ASXL3: variants seen among roughly 807,000 people sequenced by gnomAD.
ASXL3 encodes ASXL transcriptional regulator 3, also known as putative Polycomb group protein ASXL3.
A neutral mutation model predicts 170.6 loss-of-function variants in ASXL3; 34 were observed. That is an observed-to-expected ratio of 0.20 (90% confidence interval 0.15 to 0.27). The LOEUF is 0.27. Among genes scored for constraint, ASXL3 ranks in the 10% least tolerant of loss-of-function variants. The probability of loss-of-function intolerance (pLI) is 1.00; values close to 1 mark genes in which losing one functional copy is unlikely to be tolerated. For missense variants in ASXL3, 2,592 were observed against 2,695.3 expected (o/e 0.96, Z 0.85); for synonymous variants, 1,002 against 989.1 (o/e 1.01, Z -0.24).
intron 2 of ASXL3, among the ~76,000 whole-genome samples, chr18:33,640,799 A>C (rs956891287): frequency 6.6e-6 from 1 of 152,006 alleles, no homozygotes; most frequent in Admixed American, 6.6e-5. Flanking sequence ...ATTTATATTA[A>C]TAGCACTAAG....
At chr18:33,621,237 G>C (rs2065508055) in intron 2 of ASXL3, among the ~76,000 whole-genome samples, 1 of 152,132 alleles carries the variant, frequency 6.6e-6, no homozygotes, top group Non-Finnish European at 1.5e-5. Flanking sequence ...ATGAATATTT[G>C]ACTCATCTTT....
intron 4 of ASXL3, among the ~76,000 whole-genome samples, chr18:33,650,353 A>G (rs1001746695): frequency 6.6e-6 from 1 of 152,088 alleles, no homozygotes; most frequent in African/African-American, 2.4e-5. Context: ...AGTGAGGGGA[A>G]TATAGGTCAC....
At chr18:33,712,960 CCTT>C (rs1161580806) in intron 8 of ASXL3, among the ~76,000 whole-genome samples, 1 of 152,122 alleles carries the variant, frequency 6.6e-6, no homozygotes, top group Non-Finnish European at 1.5e-5. Context: ...CTATTGCACT[CCTT>C]CTCAGTGGTT....
chr18:33,674,756 C>G (rs970819084), intron 7 of ASXL3, among the ~76,000 whole-genome samples: 1 of 151,858 alleles, frequency 6.6e-6, no homozygotes, highest in Admixed American at 6.6e-5. Context: ...GTAGCTGGGA[C>G]TACAGGCGCC....
At position 33,748,344 on chromosome 18, in the gene ASXL3, A is replaced by G. The variant is rs1043846239; in HGVS notation, c.*1749A>G. On this transcript the variant is annotated 3_prime_UTR_variant, in exon 12 of 12. Transcript: ENST00000269197. ...CTCCGTATTTATTGTGATGTTGCCA[A>G]ATTTCTTTCTTTAGGTGATAGAGAC... 3 of 152,168 alleles carry G rather than the reference A, an allele frequency of 2.0e-5. No homozygotes were observed. The highest frequency in any genetic ancestry group is 7.2e-5 in the African/African-American group (3 of 41,440). 9.4% of individuals were successfully genotyped at this position (152,168 alleles called of 1,614,324 possible). A position where few individuals can be genotyped will look rare whatever the true frequency, so the allele number is the denominator to read the frequency against.
At position 33,750,297 on chromosome 18, in the gene ASXL3, A is replaced by G. The variant is rs1365316882; in HGVS notation, c.*3702A>G. Reference sequence around the variant, plus strand: ...ATGCTTTGTCACTGTAAAAAGAACAAAAAGCATTTTTACTATAATTTAAAG... The same window carrying G: ...ATGCTTTGTCACTGTAAAAAGAACAGAAAGCATTTTTACTATAATTTAAAG... On this transcript the variant is annotated 3_prime_UTR_variant, in exon 12 of 12. Transcript: ENST00000269197. The G allele has an allele frequency of 6.6e-6, 1 of 152,226 alleles. No individual in the cohort carries two copies. The highest frequency in any genetic ancestry group is 2.4e-5 in the African/African-American group (1 of 41,468). 9.4% of individuals were successfully genotyped at this position (152,226 alleles called of 1,614,324 possible).
At chr18:33,597,712 T>G (rs1018663473) in intron 1 of ASXL3, among the ~76,000 whole-genome samples, 5 of 151,786 alleles carry the variant, frequency 3.3e-5, no homozygotes, top group African/African-American at 1.2e-4. Flanking sequence ...TGAATCCCAG[T>G]TCTGCTTCTT....
chr18:33,623,725 T>C (rs1422705125), intron 2 of ASXL3, among the ~76,000 whole-genome samples: 2 of 152,198 alleles, frequency 1.3e-5, no homozygotes, highest in East Asian at 3.9e-4. Context: ...AAATATCTGA[T>C]ATTTATTTTT....
chr18:33,673,647 GC>G (rs2066382249), intron 7 of ASXL3, among the ~76,000 whole-genome samples: 1 of 152,108 alleles, frequency 6.6e-6, no homozygotes, highest in Non-Finnish European at 1.5e-5. Flanking sequence ...ATTGCAGTGG[GC>G]CACCATGCCT....
chr18:33,734,759 AT>A (rs1289904247), intron 10 of ASXL3, among the ~76,000 whole-genome samples: 2 of 152,260 alleles, frequency 1.3e-5, no homozygotes, highest in South Asian at 4.1e-4. Context: ...TAGATAAATA[AT>A]TTTAGTCATG....
Position 33,744,387 on chromosome 18 carries a change from C to T in ASXL3, c.4539C>T (p.Pro1513=), listed in dbSNP as rs775636026. 32 of 1,613,704 alleles carry T rather than the reference C, an allele frequency of 2.0e-5. No homozygotes were observed. Among genetic ancestry groups the T allele is most frequent in the Admixed American group, 3.3e-5 (2 of 59,988 alleles). ...TGAGGACAGAGGCATCCGTACAGCC[C>T]GTGGCGTGTCCTCAGGTGTCTGTGA... ...RPVRTEASVQ[P]VACPQVSVIS... Residue 1513 remains proline, a synonymous_variant, in exon 12 of 12, where the codon CCC becomes CCT. Transcript: ENST00000269197.
chr18:33,746,785 C>G lies in ASXL3; in HGVS notation c.*190C>G. ...GAGGATGCATCCCAACTGAATGGCT[C>G]ACTGGCATGTCTTTTATGTGTTCAG... is the stretch of plus-strand genomic sequence containing the variant. On this transcript the variant is annotated 3_prime_UTR_variant, in exon 12 of 12. Transcript: ENST00000269197. 1 of 892,742 alleles carries G rather than the reference C, an allele frequency of 1.1e-6. No homozygotes were observed. The highest frequency in any genetic ancestry group is 1.6e-6 in the Non-Finnish European group (1 of 629,402). The allele number at this position is 892,742 out of a possible 1,614,324, so 55.3% of individuals were successfully genotyped here.
intron 8 of ASXL3, among the ~76,000 whole-genome samples, chr18:33,705,084 A>G (rs548936544): frequency 7.9e-5 from 12 of 151,826 alleles, no homozygotes; most frequent in African/African-American, 2.4e-4. Flanking sequence ...GACATGTTTA[A>G]TAGCTTAGGT....
At position 33,578,279 on chromosome 18, in the gene ASXL3, C is replaced by T. The variant is rs1295176663; in HGVS notation, c.-353C>T. 1.3e-5 allele frequency: 2 copies of T among 148,682 alleles called. No homozygotes were observed. The highest frequency in any genetic ancestry group is 3.0e-5 in the Non-Finnish European group (2 of 66,818). 9.2% of individuals were successfully genotyped at this position (148,682 alleles called of 1,614,324 possible). On this transcript the variant is annotated 5_prime_UTR_variant, in exon 1 of 12. Coordinates refer to ENST00000269197, the MANE Select transcript of ASXL3 (RefSeq NM_030632.3). The stretch of plus-strand genomic sequence containing the variant: ...TCCCCGGAGCTGTCACCGCAGCGGC[C>T]GCGGCGGTGGCGCAGCGCGAGCCCC...
At chr18:33,636,950 G>A (rs556424308) in intron 2 of ASXL3, among the ~76,000 whole-genome samples, 70 of 152,176 alleles carry the variant, frequency 4.6e-4, no homozygotes, top group Non-Finnish European at 5.9e-5. Flanking sequence ...CAAATTTTCA[G>A]ATTTGGGCTA....
At position 33,745,575 on chromosome 18, in the gene ASXL3, C is replaced by A. The variant is rs928746859; in HGVS notation, c.5727C>A (p.Asn1909Lys). Residue 1909 changes from asparagine (N) to lysine (K), a missense_variant, in exon 12 of 12, where the codon AAC becomes AAA. Physicochemically the swap from Asn to Lys is moderately conservative, Grantham distance 94. This residue lies in a region of ASXL3 where 2,246 missense variants were observed against 2,219.6 expected (regional missense o/e 1.01). Coordinates refer to ENST00000269197, the MANE Select transcript of ASXL3 (RefSeq NM_030632.3). ...RLLPSCSFQQ[N>K]LFHVDKNGGF... is the part of the protein sequence containing the mutation. ...TCCCCTCGTGTAGCTTCCAGCAGAACCTATTTCATGTTGACAAGAATGGCG... is the reference window on the plus strand; with the variant it reads ...TCCCCTCGTGTAGCTTCCAGCAGAAACTATTTCATGTTGACAAGAATGGCG... The A allele has an allele frequency of 6.2e-7, 1 of 1,613,972 alleles. No homozygotes were observed. The highest frequency in any genetic ancestry group is 2.2e-5 in the East Asian group (1 of 44,870).
intron 10 of ASXL3, among the ~76,000 whole-genome samples, chr18:33,737,228 T>C (rs2067563429): frequency 6.6e-6 from 1 of 152,180 alleles, no homozygotes; most frequent in African/African-American, 2.4e-5. Context: ...AAGAAGGCTA[T>C]GGCCAAATAC....
chr18:33,583,452 A>G lies in ASXL3; in HGVS notation c.54+4767A>G, dbSNP rs76425057. Among the ~76,000 whole-genome samples, 766 of 152,294 alleles carry G rather than the reference A, an allele frequency of 5.0e-3. 5 individuals are homozygous for G. Among genetic ancestry groups the G allele is most frequent in the African/African-American group, 0.017 (721 of 41,566 alleles). ...CACATAGCATCATTTCTTTATATCT[A>G]TATCTCATCACCTTTTCTTTCAAAC... On this transcript the variant is annotated intron_variant, in intron 1 of 11. Transcript: ENST00000269197.
intron 4 of ASXL3, among the ~76,000 whole-genome samples, chr18:33,657,485 A>T (rs191532742): frequency 6.6e-6 from 1 of 152,226 alleles, no homozygotes; most frequent in East Asian, 1.9e-4. Flanking sequence ...TAGTAATTAC[A>T]TTAGGAGGGA....
Sources: gnomAD v4.1 joint callset for allele counts (sites outside exome capture counted in the v4.1 genomes callset) on GRCh38, gnomAD v4.1.1 for gene constraint, gnomAD v4.1.1 regional missense constraint, MANE v1.5 for transcripts, NCBI Gene and HGNC (gene_info 2026-07-23, HGNC 2026-07-21) for gene names.